Variants in SPAG16 observed in about 807,000 individuals in gnomAD.
SPAG16 encodes the protein sperm-associated antigen 16 protein.
SPAG16 carries 86 observed loss-of-function variants against 80.4 expected under a neutral mutation model. The ratio of observed to expected loss-of-function variants is 1.07; its 90% CI spans 0.90 to 1.28. The LOEUF is 1.28. SPAG16 is among the 50% of genes most tolerant of loss of function. The pLI is 0.00. For missense variants in SPAG16, 870 were observed against 765.3 expected (o/e 1.14, Z -1.61); for synonymous variants, 294 against 265.9 (o/e 1.11, Z -1.03).
chr2:213,527,126 C>T (rs1010313875), intron 10 of SPAG16, among the ~76,000 whole-genome samples: 4 of 152,172 alleles, frequency 2.6e-5, no homozygotes, highest in African/African-American at 9.7e-5. Context: ...GAATCTTTTG[C>T]CTCCTGCCAA....
At chr2:213,742,995 C>A (rs1413788458) in intron 10 of SPAG16, among the ~76,000 whole-genome samples, 1 of 152,068 alleles carries the variant, frequency 6.6e-6, no homozygotes, top group African/African-American at 2.4e-5. Context: ...GCTCCACCTC[C>A]CGCGTTCACG....
chr2:214,061,233 G>A (rs2050241205), intron 13 of SPAG16, among the ~76,000 whole-genome samples: 1 of 152,158 alleles, frequency 6.6e-6, no homozygotes, highest in African/African-American at 2.4e-5. Flanking sequence ...ATTAGAGGAA[G>A]GGAAGCAGTG....
chr2:214,338,749 A>G (rs1329395197), intron 15 of SPAG16, among the ~76,000 whole-genome samples: 1 of 152,216 alleles, frequency 6.6e-6, no homozygotes, highest in Non-Finnish European at 1.5e-5. Context: ...ATACTGTAAC[A>G]TATTTCAAGA....
intron 12 of SPAG16, among the ~76,000 whole-genome samples, chr2:214,013,179 C>CTTTTTTTTTTTTTTTTTTT (rs11382197): frequency 7.2e-6 from 1 of 138,928 alleles, no homozygotes; most frequent in Non-Finnish European, 1.5e-5. Flanking sequence ...AGTATTTTGT[C>CTTTTTTTTTTTTTTTTTTT]TTTTTTTTTT....
At chr2:214,085,243 C>T (rs750983934) in intron 13 of SPAG16, among the ~76,000 whole-genome samples, 1 of 151,770 alleles carries the variant, frequency 6.6e-6, no homozygotes, top group Non-Finnish European at 1.5e-5. Context: ...ATGGTGGTGC[C>T]TTCCTGTAGT....
chr2:213,814,192 G>A (rs1333601169), intron 10 of SPAG16, among the ~76,000 whole-genome samples: 1 of 152,144 alleles, frequency 6.6e-6, no homozygotes, highest in Non-Finnish European at 1.5e-5. Context: ...AAATCTGCAG[G>A]CTGGAAACAC....
chr2:213,996,867 C>G (rs2046544106), intron 12 of SPAG16, among the ~76,000 whole-genome samples: 1 of 152,052 alleles, frequency 6.6e-6, no homozygotes, highest in African/African-American at 2.4e-5. Flanking sequence ...CGCACCCGGC[C>G]CTACTAATGC....
At chr2:213,834,719 T>C (rs2073982447) in intron 10 of SPAG16, among the ~76,000 whole-genome samples, 2 of 152,290 alleles carry the variant, frequency 1.3e-5, no homozygotes, top group South Asian at 4.1e-4. Flanking sequence ...CCTTGCTTCT[T>C]AGGCCCTCTC....
intron 12 of SPAG16, among the ~76,000 whole-genome samples, chr2:213,952,040 ATTAC>A: frequency 6.6e-6 from 1 of 152,274 alleles, no homozygotes; most frequent in Admixed American, 6.5e-5. Flanking sequence ...TTCTAAGAAT[ATTAC>A]TTATGGACAA....
chr2:213,768,091 A>G (rs1488028854), intron 10 of SPAG16, among the ~76,000 whole-genome samples: 1 of 152,224 alleles, frequency 6.6e-6, no homozygotes, highest in Non-Finnish European at 1.5e-5. Flanking sequence ...AAAGGAGGCA[A>G]TAAGAAGGAA....
chr2:213,442,795 C>G (rs542453681), intron 9 of SPAG16, among the ~76,000 whole-genome samples: 1 of 152,080 alleles, frequency 6.6e-6, no homozygotes, highest in Non-Finnish European at 1.5e-5. Context: ...AATGAAATTA[C>G]TAAACTATGA....
chr2:213,816,096 C>T (rs2072517024), intron 10 of SPAG16, among the ~76,000 whole-genome samples: 1 of 152,268 alleles, frequency 6.6e-6, no homozygotes. Flanking sequence ...CTTATTTTGC[C>T]TCCTTGCAGT....
At chr2:213,979,273 G>T (rs1005004403) in intron 12 of SPAG16, among the ~76,000 whole-genome samples, 1 of 151,890 alleles carries the variant, frequency 6.6e-6, no homozygotes, top group Non-Finnish European at 1.5e-5. Flanking sequence ...ATGTTGGGGG[G>T]TATGGAATTA....
chr2:213,982,610 G>GGTGTGTGTGTGT lies in SPAG16; in HGVS notation c.1401-31313_1401-31302dup, dbSNP rs57529616. ...AACTTGTTACCAAGGTATAGTTTCT[G>GGTGTGTGTGTGT]GTGTGTGTGTGTGTGTGTGTGTGTG... is the stretch of plus-strand genomic sequence containing the variant. On this transcript the variant is annotated intron_variant, in intron 12 of 15. Coordinates refer to ENST00000331683, the MANE Select transcript of SPAG16 (RefSeq NM_024532.5). Among the ~76,000 whole-genome samples the GGTGTGTGTGTGT allele has an allele frequency of 5.4e-3, 771 of 141,912 alleles. 2 individuals are homozygous for GGTGTGTGTGTGT. The highest frequency in any genetic ancestry group is 0.01 in the Middle Eastern group (3 of 290). The allele number at this position is 141,912 out of a possible 152,430, so 93.1% of individuals were successfully genotyped here.
intron 15 of SPAG16, among the ~76,000 whole-genome samples, chr2:214,212,058 C>T (rs2058309092): frequency 6.6e-6 from 1 of 152,040 alleles, no homozygotes; most frequent in South Asian, 2.1e-4. Flanking sequence ...AAATATAAAC[C>T]AAATTATGTA....
At chr2:213,311,431 T>G (rs187810712) in intron 4 of SPAG16, among the ~76,000 whole-genome samples, 82 of 151,802 alleles carry the variant, frequency 5.4e-4, no homozygotes, top group Non-Finnish European at 9.9e-4. Flanking sequence ...AATGATTTTC[T>G]TAGAATAATC....
chr2:213,664,190 C>G (rs887595000), intron 10 of SPAG16, among the ~76,000 whole-genome samples: 3 of 152,018 alleles, frequency 2.0e-5, no homozygotes, highest in Admixed American at 6.6e-5. Context: ...CGTTGGTATC[C>G]ACTTTATAGG....
intron 9 of SPAG16, among the ~76,000 whole-genome samples, chr2:213,474,344 C>G (rs960168525): frequency 6.6e-6 from 1 of 152,148 alleles, no homozygotes; most frequent in African/African-American, 2.4e-5. Context: ...AGATAGGTCT[C>G]TCAGGGAAAC....
chr2:213,535,349 C>T (rs566228612), intron 10 of SPAG16, among the ~76,000 whole-genome samples: 1 of 151,960 alleles, frequency 6.6e-6, no homozygotes, highest in South Asian at 2.1e-4. Context: ...TGTTCAAGAA[C>T]CTAAAAGAAA....
Sources: allele counts gnomAD v4.1 joint callset (sites outside exome capture counted in the v4.1 genomes callset), GRCh38; gene constraint gnomAD v4.1.1; transcripts MANE v1.5; gene names NCBI Gene and HGNC (gene_info 2026-07-23, HGNC 2026-07-21).